Variants in MAEL observed in about 807,000 individuals in gnomAD.
MAEL encodes protein maelstrom homolog.
In MAEL, 46 loss-of-function variants were observed where a neutral mutation model predicts 62.0. That is an observed-to-expected ratio of 0.74 (90% CI 0.59 to 0.95). The LOEUF (loss-of-function observed/expected upper bound fraction) is 0.95, where lower values mean the gene tolerates loss of function less well. Ranked by LOEUF, MAEL falls within the 40% of genes least tolerant of loss-of-function variation. The pLI, the probability that MAEL is intolerant of heterozygous loss-of-function variation, is 0.00. For synonymous variants in MAEL, 172 were observed against 175.5 expected (o/e 0.98, Z 0.16); for missense variants, 497 against 526.8 (o/e 0.94, Z 0.55).
rs1665603146 is a variant in MAEL, at chr1:167,020,956, TAA to T, written c.1042-128_1042-127del. ...TCTCCCCCTTTGCAGCAAAAATTGA[TAA>T]GACATTGGAAAAGTATTTGAGTGTT... On this transcript the variant is annotated intron_variant, in intron 10 of 11. Coordinates refer to ENST00000367872, the MANE Select transcript of MAEL (RefSeq NM_032858.3). 5 of 737,980 alleles carry T rather than the reference TAA, an allele frequency of 6.8e-6. No homozygotes were observed. In the African/African-American group the frequency reaches 9.0e-5, roughly 13 times the overall value. 45.7% of individuals were successfully genotyped at this position (737,980 alleles called of 1,614,324 possible).
chr1:166,977,205 T>C (rs1271622762), intron 1 of MAEL, among the ~76,000 whole-genome samples: 1 of 152,242 alleles, frequency 6.6e-6, no homozygotes, highest in African/African-American at 2.4e-5. Context: ...CCAGCAATTC[T>C]TTGAGCCACC....
chr1:166,997,642 G>A (rs1664486440), intron 5 of MAEL, among the ~76,000 whole-genome samples: 1 of 152,192 alleles, frequency 6.6e-6, no homozygotes, highest in African/African-American at 2.4e-5. Flanking sequence ...CTGGGCTTAA[G>A]TGATCCTCCT....
In MAEL at chr1:167,022,076, TG is replaced by T; in HGVS notation, c.*224del. 2.1e-6 allele frequency: 1 copy of T among 468,728 alleles called. No individual in the cohort carries two copies. The highest frequency in any genetic ancestry group is 3.8e-6 in the Non-Finnish European group (1 of 266,560). 29.0% of individuals were successfully genotyped at this position (468,728 alleles called of 1,614,324 possible). A position where few individuals can be genotyped will look rare whatever the true frequency, so the allele number is the denominator to read the frequency against. Reference sequence around the variant, plus strand: ...ATTGTTCTGCTTCCTGGCTGTATGATGGGTATATCATTAAAGTTTGGAGTCC... The same window carrying T: ...ATTGTTCTGCTTCCTGGCTGTATGATGGTATATCATTAAAGTTTGGAGTCC... On this transcript the variant is annotated 3_prime_UTR_variant, in exon 12 of 12. Transcript: ENST00000367872.
chr1:166,993,598 G>A (rs1007591892), intron 4 of MAEL, among the ~76,000 whole-genome samples: 8 of 152,170 alleles, frequency 5.3e-5, no homozygotes, highest in Non-Finnish European at 1.2e-4. Flanking sequence ...TGTGAGTGTT[G>A]CTACTTAGGA....
At chr1:166,990,111 T>TGTAA (rs1205772795) in intron 2 of MAEL, 1 of 225,436 alleles carries the variant, frequency 4.4e-6, no homozygotes, top group African/African-American at 2.5e-5. Context: ...CTAATGGGAG[T>TGTAA]GTAACATCTA....
rs1391334296 is a variant in MAEL, at chr1:166,989,349, T to C, written c.-4T>C. The stretch of plus-strand genomic sequence containing the variant: ...CTGAGGCCAGGAAGTTTGACCGCGC[T>C]GCCATGCCGAACCGTAAGGCCAGCC... On this transcript the variant is annotated 5_prime_UTR_variant, in exon 1 of 12. Transcript: ENST00000367872. 1 of 1,608,832 alleles carries C rather than the reference T, an allele frequency of 6.2e-7. No individual in the cohort carries two copies. Among genetic ancestry groups the C allele is most frequent in the Middle Eastern group, 1.7e-4 (1 of 6,052 alleles).
At chr1:166,994,974 A>ATTTT (rs944951589) in intron 5 of MAEL, among the ~76,000 whole-genome samples, 25 of 110,184 alleles carry the variant, frequency 2.3e-4, no homozygotes, top group East Asian at 5.1e-4. Flanking sequence ...CCACCCAGTA[A>ATTTT]TTTTTTTTTT....
rs1397577987 is a variant in MAEL at position 167,021,744 on chromosome 1, G to A, written c.1194G>A (p.Glu398=). ...VRGRGITRLL[E]SISNSSSNIH... Reference sequence around the variant, plus strand: ...GAAGAGGAATTACCCGCTTACTAGAGAGCATTTCCAATTCTTCCAGCAATA... The same window carrying A: ...GAAGAGGAATTACCCGCTTACTAGAAAGCATTTCCAATTCTTCCAGCAATA... Residue 398 remains glutamate (E), a synonymous_variant, in exon 12 of 12, where the codon GAG becomes GAA. Transcript: ENST00000367872. The A allele has an allele frequency of 6.2e-7, 1 of 1,613,468 alleles. No homozygotes were observed. The highest frequency in any genetic ancestry group is 2.2e-5 in the East Asian group (1 of 44,854).
intron 5 of MAEL, among the ~76,000 whole-genome samples, chr1:166,995,064 A>G (rs905296217): frequency 1.4e-5 from 2 of 147,090 alleles, no homozygotes; most frequent in Non-Finnish European, 3.0e-5. Context: ...CAAATCTGCC[A>G]CAACCAGCAG....
chr1:167,018,727 C>G (rs1363356831), intron 10 of MAEL, among the ~76,000 whole-genome samples: 1 of 152,094 alleles, frequency 6.6e-6, no homozygotes, highest in Non-Finnish European at 1.5e-5. Context: ...TTATGCTGAA[C>G]AAAAGAAGCA....
At position 166,992,693 on chromosome 1, in the gene MAEL, T is replaced by G; in HGVS notation, c.333T>G (p.Leu111=). Residue 111 remains leucine (L), a synonymous_variant, in exon 4 of 12, where the codon CTT becomes CTG. Transcript: ENST00000367872. ...CTTACAATTTTTTTTTAGCTCTCCT[T>G]GGAGGCATTTTTTATTTTTTGAACA... is the stretch of plus-strand genomic sequence containing the variant. ...ALSLKGDQAL[L]GGIFYFLNIF... 4.4e-6 allele frequency: 7 copies of G among 1,589,734 alleles called. No individual in the cohort carries two copies. Among genetic ancestry groups the G allele is most frequent in the Non-Finnish European group, 6.0e-6 (7 of 1,172,812 alleles).
intron 5 of MAEL, among the ~76,000 whole-genome samples, chr1:166,998,851 G>A (rs536149984): frequency 8.5e-5 from 13 of 152,070 alleles, no homozygotes; most frequent in South Asian, 2.1e-4. Context: ...GGTAATTCTC[G>A]CAATATTTCA....
At chr1:167,001,621 C>T (rs192053423) in intron 5 of MAEL, among the ~76,000 whole-genome samples, 66 of 152,310 alleles carry the variant, frequency 4.3e-4, no homozygotes, top group African/African-American at 1.4e-3. Context: ...ATTTGTGTGA[C>T]ACTTTATTTC....
At chr1:166,997,314 T>C (rs565850054) in intron 5 of MAEL, among the ~76,000 whole-genome samples, 35 of 152,238 alleles carry the variant, frequency 2.3e-4, no homozygotes, top group Non-Finnish European at 5.0e-4. Flanking sequence ...ATGCCGTGGG[T>C]TGTACAAGCG....
chr1:166,986,936 G>C (rs186886026), upstream of MAEL, among the ~76,000 whole-genome samples: 264 of 127,168 alleles, frequency 2.1e-3, 1 homozygote, highest in Middle Eastern at 3.6e-3. Flanking sequence ...GGAATGAAAA[G>C]GAAGGGGACG....
intron 8 of MAEL, among the ~76,000 whole-genome samples, chr1:167,012,803 G>T (rs1165120384): frequency 6.6e-6 from 1 of 152,162 alleles, no homozygotes; most frequent in Non-Finnish European, 1.5e-5. Flanking sequence ...TGAGGTAAAG[G>T]CTTGGTGTTT....
At position 167,005,363 on chromosome 1, in the gene MAEL, G is replaced by T. The variant is rs1156329996; in HGVS notation, c.811G>T (p.Asp271Tyr). 6.2e-7 allele frequency: 1 copy of T among 1,613,072 alleles called. No homozygotes were observed. The highest frequency in any genetic ancestry group is 1.1e-5 in the South Asian group (1 of 90,878). The change falls in exon 8 of 12, where the codon GAT becomes TAT. Residue 271 changes from aspartate to tyrosine, a missense_variant. Physicochemically the swap from Asp to Tyr is radical, Grantham distance 160. Transcript: ENST00000367872. The part of the protein sequence containing the change: ...PSKTWIRSLL[D>Y]VAMWDYSSNT... ...TAAGACTTGGATTCGAAGCCTCCTA[G>T]ATGTGGCCATGTGGGATTATTCTAG...
Position 166,992,674 on chromosome 1 carries a change from AT to A in MAEL, c.326-3del, listed in dbSNP as rs556247489. 5.3e-3 allele frequency: 8,128 copies of A among 1,522,540 alleles called. 41 individuals carry two copies. Among genetic ancestry groups the A allele is most frequent in the Non-Finnish European group, 5.6e-3 (6,342 of 1,131,820 alleles). The allele number at this position is 1,522,540 out of a possible 1,614,324, so 94.3% of individuals were successfully genotyped here. A position where few individuals can be genotyped will look rare whatever the true frequency, so the allele number is the denominator to read the frequency against. On this transcript the variant is annotated splice_polypyrimidine_tract_variant and intron_variant, in intron 3 of 11. Transcript: ENST00000367872. ...ATTCATTTATTCATTTTATCTTACA[AT>A]TTTTTTTTAGCTCTCCTTGGAGGCA... is the stretch of plus-strand genomic sequence containing the variant.
At chr1:166,993,118 A>C (rs989228027) in intron 4 of MAEL, among the ~76,000 whole-genome samples, 5 of 152,156 alleles carry the variant, frequency 3.3e-5, no homozygotes, top group African/African-American at 4.8e-5. Flanking sequence ...ATGGCCTTAC[A>C]TCTTGGGATT....
Sources: gnomAD v4.1 joint callset for allele counts (sites outside exome capture counted in the v4.1 genomes callset) on GRCh38, gnomAD v4.1.1 for gene constraint, MANE v1.5 for transcripts, NCBI Gene and HGNC (gene_info 2026-07-23, HGNC 2026-07-21) for gene names.